The following KIF6 variants were observed in gnomAD, a reference collection of about 807,000 sequenced individuals.
KIF6 encodes kinesin-like protein KIF6.
In KIF6, 106 loss-of-function variants were observed where a neutral mutation model predicts 112.7. The ratio of observed to expected loss-of-function variants is 0.94; its 90% CI spans 0.80 to 1.11. KIF6 has a LOEUF of 1.11. KIF6 is among the 50% of genes least tolerant of loss of function. The pLI is 0.00. For synonymous variants in KIF6, 339 were observed against 339.9 expected (o/e 1.00, Z 0.03); for missense variants, 929 against 964.0 (o/e 0.96, Z 0.48).
chr6:39,551,668 A>G (rs999534281), intron 10 of KIF6, among the ~76,000 whole-genome samples: 1 of 152,172 alleles, frequency 6.6e-6, no homozygotes, highest in Non-Finnish European at 1.5e-5. Flanking sequence ...TAGAAAGTAT[A>G]AAAGGAAACT....
intron 6 of KIF6, among the ~76,000 whole-genome samples, chr6:39,608,098 C>A (rs545521052): frequency 1.3e-3 from 199 of 152,278 alleles, no homozygotes; most frequent in African/African-American, 4.4e-3. Context: ...CCAACTCACA[C>A]CCTGTCTCCC....
At chr6:39,375,612 C>A (rs1053331400) in intron 16 of KIF6, among the ~76,000 whole-genome samples, 8 of 152,146 alleles carry the variant, frequency 5.3e-5, no homozygotes, top group African/African-American at 1.9e-4. Context: ...GGCACTCAGG[C>A]CTTTGGACTC....
intron 13 of KIF6, among the ~76,000 whole-genome samples, chr6:39,492,116 G>C (rs1348147680): frequency 6.6e-6 from 1 of 152,160 alleles, no homozygotes; most frequent in Non-Finnish European, 1.5e-5. Context: ...TAAAAATCTA[G>C]GGTAGTACCT....
chr6:39,384,906 T>C (rs550721167), intron 16 of KIF6, among the ~76,000 whole-genome samples: 50 of 152,308 alleles, frequency 3.3e-4, no homozygotes, highest in Non-Finnish European at 5.9e-4. Flanking sequence ...GGTGACTTCA[T>C]TGGGTCACAT....
intron 13 of KIF6, among the ~76,000 whole-genome samples, chr6:39,507,960 T>TTCCTCCTCC (rs950837313): frequency 1.1e-5 from 1 of 87,286 alleles, no homozygotes; most frequent in African/African-American, 4.7e-5. Context: ...CCCCTTCCCC[T>TTCCTCCTCC]TCCTCCTCCT....
At chr6:39,553,077 C>T (rs887692567) in intron 10 of KIF6, among the ~76,000 whole-genome samples, 5 of 152,176 alleles carry the variant, frequency 3.3e-5, no homozygotes, top group African/African-American at 4.8e-5. Flanking sequence ...AAAGTAGTCA[C>T]TTCAAGAGTT....
chr6:39,424,095 C>T (rs141542692), intron 14 of KIF6, among the ~76,000 whole-genome samples: 6 of 152,302 alleles, frequency 3.9e-5, no homozygotes, highest in Non-Finnish European at 8.8e-5. Flanking sequence ...TCTCCAGCTT[C>T]TTCTCTTCCA....
chr6:39,654,720 A>C (rs994908287), intron 3 of KIF6, among the ~76,000 whole-genome samples: 1 of 152,148 alleles, frequency 6.6e-6, no homozygotes, highest in Non-Finnish European at 1.5e-5. Flanking sequence ...ATACTTCCAG[A>C]CATTTTACAT....
chr6:39,362,411 T>A, intron 17 of KIF6, 23 bp downstream of exon 17: 7 of 1,589,462 alleles, frequency 4.4e-6, no homozygotes, highest in Non-Finnish European at 6.0e-6. Context: ...GCTCGGACTG[T>A]GTGTGGCTAA....
chr6:39,650,897 T>C (rs1785433024), intron 3 of KIF6, among the ~76,000 whole-genome samples: 1 of 152,140 alleles, frequency 6.6e-6, no homozygotes. Flanking sequence ...CATGATATTA[T>C]ATGAGAAGCC....
intron 2 of KIF6, among the ~76,000 whole-genome samples, chr6:39,717,694 T>C (rs1440313881): frequency 6.6e-6 from 1 of 152,200 alleles, no homozygotes; most frequent in Non-Finnish European, 1.5e-5. Flanking sequence ...CCCTGCTGTA[T>C]TCCTAGCAAT....
intron 3 of KIF6, among the ~76,000 whole-genome samples, chr6:39,653,482 A>T (rs1171752673): frequency 6.6e-6 from 1 of 152,194 alleles, no homozygotes; most frequent in Admixed American, 6.5e-5. Flanking sequence ...GACTTGGGGC[A>T]CAGCCTCTAG....
chr6:39,510,872 CA>C (rs1180631310), intron 13 of KIF6, among the ~76,000 whole-genome samples: 1,810 of 23,866 alleles, frequency 0.076, 2 homozygotes, highest in Non-Finnish European at 0.093. Context: ...AAATGGGAAG[CA>C]AAAAAAAAAA....
intron 13 of KIF6, among the ~76,000 whole-genome samples, chr6:39,460,812 A>G (rs1773429730): frequency 6.6e-6 from 1 of 152,122 alleles, no homozygotes; most frequent in Non-Finnish European, 1.5e-5. Context: ...ATTCCAAACA[A>G]TCTTTACCCC....
At chr6:39,635,055 C>A (rs1784555330) in intron 4 of KIF6, 97 bp from the exon 5 acceptor site, 1 of 684,410 alleles carries the variant, frequency 1.5e-6, no homozygotes, top group Non-Finnish European at 2.6e-6. Context: ...CTCATAGTTT[C>A]TCTCTTTTTC....
At chr6:39,337,227 C>CTTTCTTTCTTTCTTTCTTTCTTTCTT (rs1763067643) in intron 22 of KIF6, among the ~76,000 whole-genome samples, 1 of 94,900 alleles carries the variant, frequency 1.1e-5, no homozygotes, top group African/African-American at 7.3e-5. Flanking sequence ...TTCTTTCTTT[C>CTTTCTTTCTTTCTTTCTTTCTTTCTT]TTTCTTTCTT....
chr6:39,336,813 C>CTTTCTTTCTTTCT (rs1216553803), intron 22 of KIF6, among the ~76,000 whole-genome samples: 5 of 151,640 alleles, frequency 3.3e-5, no homozygotes, highest in African/African-American at 9.7e-5. Context: ...TTCTTTCTTT[C>CTTTCTTTCTTTCT]TTTTTTTTGA....
intron 7 of KIF6, among the ~76,000 whole-genome samples, chr6:39,593,365 G>A (rs181380796): frequency 1.1e-4 from 17 of 152,116 alleles, no homozygotes; most frequent in African/African-American, 3.1e-4. Flanking sequence ...CCTATGTACC[G>A]TTTGGTTTTC....
chr6:39,530,015 T>G (rs1419597090), intron 13 of KIF6, among the ~76,000 whole-genome samples: 1 of 152,224 alleles, frequency 6.6e-6, no homozygotes, highest in Non-Finnish European at 1.5e-5. Flanking sequence ...AATTCCTGCT[T>G]AGAGCACTTG....
Sources: allele counts gnomAD v4.1 joint callset (sites outside exome capture counted in the v4.1 genomes callset), GRCh38; gene constraint gnomAD v4.1.1; transcripts MANE v1.5; gene names NCBI Gene and HGNC (gene_info 2026-07-23, HGNC 2026-07-21).